The following CSMD3 variants were observed in gnomAD, a reference collection of about 807,000 sequenced individuals.
The protein encoded by CSMD3 is CUB and Sushi multiple domains 3, also known as CUB and sushi domain-containing protein 3.
CSMD3 carries 177 observed loss-of-function variants against 435.2 expected under a neutral mutation model. The observed-to-expected ratio is 0.41, with a 90% CI of 0.36 to 0.46. The LOEUF (loss-of-function observed/expected upper bound fraction) is 0.46. Ranked by LOEUF, CSMD3 falls within the 20% of genes least tolerant of loss-of-function variation. The probability of loss-of-function intolerance (pLI) is 0.34; values close to 1 mark genes in which losing one functional copy is unlikely to be tolerated. For missense variants in CSMD3, 4,265 were observed against 4,504.6 expected (o/e 0.95, Z 1.52); for synonymous variants, 1,656 against 1,520.5 (o/e 1.09, Z -2.07).
chr8:113,369,317 T>G (rs555171754), intron 1 of CSMD3, among the ~76,000 whole-genome samples: 20 of 151,944 alleles, frequency 1.3e-4, no homozygotes, highest in Non-Finnish European at 2.5e-4. Context: ...AATCTGTTTT[T>G]GTTGGCTTGA....
intron 1 of CSMD3, among the ~76,000 whole-genome samples, chr8:113,327,369 A>T (rs1486440156): frequency 6.6e-6 from 1 of 152,200 alleles, no homozygotes; most frequent in Non-Finnish European, 1.5e-5. Flanking sequence ...ATACTGGCAA[A>T]AATGGTCAAA....
At chr8:113,091,774 AT>A (rs1398390823) in intron 5 of CSMD3, among the ~76,000 whole-genome samples, 4 of 151,012 alleles carry the variant, frequency 2.6e-5, no homozygotes, top group Non-Finnish European at 5.9e-5. Flanking sequence ...CTTTATTTCT[AT>A]TTCATTTATT....
intron 29 of CSMD3, among the ~76,000 whole-genome samples, chr8:112,506,086 A>C (rs1822478765): frequency 6.6e-6 from 1 of 152,112 alleles, no homozygotes; most frequent in Non-Finnish European, 1.5e-5. Flanking sequence ...TCCTGGCATA[A>C]AACTAAAATT....
intron 5 of CSMD3, among the ~76,000 whole-genome samples, chr8:113,055,214 G>A (rs971084792): frequency 3.3e-5 from 5 of 152,000 alleles, no homozygotes; most frequent in Admixed American, 3.3e-4. Flanking sequence ...GCAGTGGCGT[G>A]ATCTCGACTC....
intron 4 of CSMD3, among the ~76,000 whole-genome samples, chr8:113,119,898 A>C (rs2090939010): frequency 1.3e-5 from 2 of 152,026 alleles, no homozygotes; most frequent in African/African-American, 2.4e-5. Flanking sequence ...TTTCTATTGC[A>C]TTTTTGTATT....
intron 4 of CSMD3, among the ~76,000 whole-genome samples, chr8:113,134,336 T>C (rs1030711912): frequency 6.6e-6 from 1 of 152,088 alleles, no homozygotes; most frequent in African/African-American, 2.4e-5. Context: ...TAAAAGGCTA[T>C]GTACCTTATT....
intron 4 of CSMD3, among the ~76,000 whole-genome samples, chr8:113,150,782 T>G (rs1167871965): frequency 6.6e-6 from 1 of 152,006 alleles, no homozygotes; most frequent in African/African-American, 2.4e-5. Context: ...ATAATTTAAG[T>G]GTCAGGATTG....
intron 1 of CSMD3, among the ~76,000 whole-genome samples, chr8:113,409,061 T>TTTC (rs1302073358): frequency 3.0e-4 from 45 of 149,872 alleles, no homozygotes; most frequent in South Asian, 6.3e-4. Flanking sequence ...AATAAGACTT[T>TTTC]TTCTTCTTCT....
intron 11 of CSMD3, among the ~76,000 whole-genome samples, chr8:112,852,951 A>G (rs2080536155): frequency 6.6e-6 from 1 of 151,482 alleles, no homozygotes; most frequent in South Asian, 2.1e-4. Flanking sequence ...AATAAATAGC[A>G]AGTGTTGTTC....
At chr8:112,502,228 G>A (rs1220288797) in intron 30 of CSMD3, among the ~76,000 whole-genome samples, 1 of 152,124 alleles carries the variant, frequency 6.6e-6, no homozygotes, top group Non-Finnish European at 1.5e-5. Context: ...ATATTCCCAA[G>A]GTCTAAACTT....
intron 1 of CSMD3, among the ~76,000 whole-genome samples, chr8:113,427,976 T>C (rs2094645976): frequency 6.6e-6 from 1 of 151,782 alleles, no homozygotes. Flanking sequence ...AGGGTTATAA[T>C]GTTTACCTCT....
chr8:113,278,542 T>G (rs2093589100), intron 3 of CSMD3, 50 bp downstream of exon 3: 1 of 854,444 alleles, frequency 1.2e-6, no homozygotes, highest in Admixed American at 1.7e-5. Context: ...TGAAAAATTT[T>G]GTTAGATTAC....
chr8:112,783,483 G>GGA (rs2078452627), intron 13 of CSMD3, among the ~76,000 whole-genome samples: 1 of 61,152 alleles, frequency 1.6e-5, no homozygotes, highest in Non-Finnish European at 3.5e-5. Flanking sequence ...GGAAGGAAGG[G>GGA]AGAGAAGGGA....
intron 32 of CSMD3, among the ~76,000 whole-genome samples, chr8:112,465,974 C>CA (rs201876803): frequency 0.27 from 30,768 of 113,890 alleles, 3,696 homozygotes; most frequent in East Asian, 0.44. Flanking sequence ...GACACCATCT[C>CA]AAAAAAAAAA....
chr8:112,594,507 T>A (rs376028063), intron 22 of CSMD3, among the ~76,000 whole-genome samples: 11 of 152,120 alleles, frequency 7.2e-5, no homozygotes, highest in Non-Finnish European at 1.2e-4. Context: ...GAACTGGGTG[T>A]AGCCCACCAC....
chr8:112,603,186 A>AT (rs1334104073), intron 22 of CSMD3, among the ~76,000 whole-genome samples: 4 of 152,074 alleles, frequency 2.6e-5, no homozygotes, highest in African/African-American at 9.7e-5. Flanking sequence ...CCCAATTCAC[A>AT]TTTTTTCTTG....
intron 13 of CSMD3, among the ~76,000 whole-genome samples, chr8:112,709,726 A>T (rs1213227102): frequency 6.6e-6 from 1 of 152,084 alleles, no homozygotes; most frequent in African/African-American, 2.4e-5. Context: ...GTAAATATAA[A>T]CAAAGAATAA....
At chr8:113,149,675 G>GA (rs1564367619) in intron 4 of CSMD3, among the ~76,000 whole-genome samples, 1 of 151,848 alleles carries the variant, frequency 6.6e-6, no homozygotes, top group East Asian at 1.9e-4. Flanking sequence ...GCTAGTGAAT[G>GA]AAAAATGGTA....
chr8:112,299,420 A>G (rs1387222106), intron 53 of CSMD3, among the ~76,000 whole-genome samples: 9 of 152,152 alleles, frequency 5.9e-5, no homozygotes, highest in Admixed American at 3.9e-4. Flanking sequence ...CATGCTTAAT[A>G]TTTGGCAACA....
Sources: allele counts gnomAD v4.1 joint callset (sites outside exome capture counted in the v4.1 genomes callset), GRCh38; gene constraint gnomAD v4.1.1; transcripts MANE v1.5; gene names NCBI Gene and HGNC (gene_info 2026-07-23, HGNC 2026-07-21).